Variants in CLSTN2 observed in about 807,000 individuals in gnomAD.
CLSTN2 encodes calsyntenin-2.
A neutral mutation model predicts 101.2 loss-of-function variants in CLSTN2; 48 were observed. The ratio of observed to expected loss-of-function variants is 0.47; its 90% CI spans 0.38 to 0.60. The LOEUF (loss-of-function observed/expected upper bound fraction) is 0.60. CLSTN2 is among the 20% of genes least tolerant of loss of function. The pLI, the probability that CLSTN2 is intolerant of heterozygous loss-of-function variation, is 0.00. For synonymous variants in CLSTN2, 481 were observed against 463.6 expected (o/e 1.04, Z -0.48); for missense variants, 1,160 against 1,238.2 (o/e 0.94, Z 0.95).
chr3:140,123,848 G>A (rs2009385838), intron 1 of CLSTN2, among the ~76,000 whole-genome samples: 1 of 74,142 alleles, frequency 1.3e-5, no homozygotes, highest in African/African-American at 5.4e-5. Context: ...ATATGTGTGT[G>A]TGTATATATA....
chr3:140,466,400 G>C (rs1004640377), intron 7 of CLSTN2, among the ~76,000 whole-genome samples: 1 of 152,158 alleles, frequency 6.6e-6, no homozygotes, highest in African/African-American at 2.4e-5. Context: ...GAGTTTGGCT[G>C]TGGGTTTTCC....
chr3:140,379,535 C>T (rs1030208590), intron 2 of CLSTN2, among the ~76,000 whole-genome samples: 3 of 151,988 alleles, frequency 2.0e-5, no homozygotes, highest in Non-Finnish European at 4.4e-5. Context: ...AGGAGGTTGA[C>T]ATCAGAGTAG....
chr3:140,564,365 A>G (rs1294626366), intron 16 of CLSTN2, among the ~76,000 whole-genome samples: 2 of 152,212 alleles, frequency 1.3e-5, no homozygotes, highest in African/African-American at 2.4e-5. Context: ...TTTAAAATGT[A>G]TTAATTGCTC....
intron 11 of CLSTN2, chr3:140,556,974 T>G: frequency 3.5e-6 from 1 of 283,244 alleles, no homozygotes; most frequent in Non-Finnish European, 6.7e-6. Flanking sequence ...GCGTTTGAAG[T>G]GTTCTGATTT....
At chr3:140,122,697 G>A (rs889195459) in intron 1 of CLSTN2, among the ~76,000 whole-genome samples, 1 of 152,124 alleles carries the variant, frequency 6.6e-6, no homozygotes, top group Non-Finnish European at 1.5e-5. Flanking sequence ...CCTCTCCAGA[G>A]GCCCCCAAGT....
intron 4 of CLSTN2, among the ~76,000 whole-genome samples, chr3:140,412,165 GC>G (rs2088371978): frequency 6.6e-6 from 1 of 152,080 alleles, no homozygotes; most frequent in Non-Finnish European, 1.5e-5. Flanking sequence ...AACAGCATGC[GC>G]CACAACACCT....
At chr3:140,483,484 T>C (rs1225264697) in intron 8 of CLSTN2, among the ~76,000 whole-genome samples, 1 of 152,182 alleles carries the variant, frequency 6.6e-6, no homozygotes, top group Admixed American at 6.5e-5. Context: ...CTGAGTTCAA[T>C]TCCTGCATAT....
Position 140,018,569 on chromosome 3 carries a change from G to A in CLSTN2, c.109+83086G>A, listed in dbSNP as rs561879071. 2.8e-3 allele frequency among the ~76,000 whole-genome samples: 426 copies of A among 152,304 alleles called. 3 individuals carry two copies. Among genetic ancestry groups the A allele is most frequent in the Middle Eastern group, 6.8e-3 (2 of 292 alleles). ...TCTTTGTGCTTTGGTGGCTCTCTGA[G>A]GAGGAACATGGCAGGAAAAGGGTGG... On this transcript the variant is annotated intron_variant, in intron 1 of 16. Coordinates refer to ENST00000458420, the MANE Select transcript of CLSTN2 (RefSeq NM_022131.3).
At chr3:140,531,607 C>T (rs953596107) in intron 8 of CLSTN2, among the ~76,000 whole-genome samples, 3 of 152,086 alleles carry the variant, frequency 2.0e-5, no homozygotes, top group African/African-American at 7.2e-5. Flanking sequence ...CAGCATGACT[C>T]CCAAGGCACT....
intron 2 of CLSTN2, among the ~76,000 whole-genome samples, chr3:140,222,649 T>C (rs1162755862): frequency 6.6e-6 from 1 of 152,062 alleles, no homozygotes; most frequent in Non-Finnish European, 1.5e-5. Context: ...AAAGAATGAA[T>C]AGAACCTAGT....
chr3:140,547,138 A>T (rs1221471513), intron 10 of CLSTN2, among the ~76,000 whole-genome samples: 2 of 152,226 alleles, frequency 1.3e-5, no homozygotes, highest in Non-Finnish European at 2.9e-5. Context: ...GAAAGCAGGT[A>T]TGGAGGTCAT....
At chr3:140,363,130 A>T (rs936923550) in intron 2 of CLSTN2, among the ~76,000 whole-genome samples, 13 of 152,238 alleles carry the variant, frequency 8.5e-5, no homozygotes, top group Admixed American at 7.9e-4. Context: ...TATACAATGG[A>T]ATATTATTCA....
chr3:140,466,239 G>A (rs1348896342), intron 7 of CLSTN2, among the ~76,000 whole-genome samples: 1 of 152,216 alleles, frequency 6.6e-6, no homozygotes, highest in Admixed American at 6.5e-5. Context: ...AGTGACTGAT[G>A]TGATTGGCAT....
chr3:140,272,185 T>A (rs764546268), intron 2 of CLSTN2, among the ~76,000 whole-genome samples: 1 of 152,110 alleles, frequency 6.6e-6, no homozygotes, highest in Non-Finnish European at 1.5e-5. Context: ...GTAGGGATAT[T>A]GGGGGAAAAA....
chr3:140,016,165 A>C (rs1461561639), intron 1 of CLSTN2, among the ~76,000 whole-genome samples: 1 of 152,060 alleles, frequency 6.6e-6, no homozygotes, highest in Non-Finnish European at 1.5e-5. Context: ...GAAAGCTTGG[A>C]CCTTTTAAGA....
At chr3:140,106,708 C>T (rs2009065011) in intron 1 of CLSTN2, among the ~76,000 whole-genome samples, 1 of 152,170 alleles carries the variant, frequency 6.6e-6, no homozygotes, top group Admixed American at 6.5e-5. Flanking sequence ...GTTATTTAAA[C>T]ATAATTTTTA....
chr3:140,224,192 G>T (rs948970132), intron 2 of CLSTN2, among the ~76,000 whole-genome samples: 2 of 152,130 alleles, frequency 1.3e-5, no homozygotes, highest in African/African-American at 2.4e-5. Context: ...CTAGATTCAA[G>T]CCCCAGCCTG....
chr3:140,484,073 T>C lies in CLSTN2; in HGVS notation c.1344+17342T>C, dbSNP rs1375947769. Reference sequence around the variant, plus strand: ...TTCCTAGCCTTGATGGTCTTTACAATTTGGCATGTTTTTGCAGTGGCTGGT... The same window carrying C: ...TTCCTAGCCTTGATGGTCTTTACAACTTGGCATGTTTTTGCAGTGGCTGGT... On this transcript the variant is annotated intron_variant, in intron 8 of 16. Coordinates refer to ENST00000458420, the MANE Select transcript of CLSTN2 (RefSeq NM_022131.3). Among the ~76,000 whole-genome samples the C allele has an allele frequency of 2.0e-5, 3 of 152,222 alleles. No homozygotes were observed. The East Asian group carries it at 5.8e-4, about 29-fold the overall frequency.
intron 5 of CLSTN2, among the ~76,000 whole-genome samples, chr3:140,445,666 G>T (rs1169341432): frequency 1.3e-5 from 2 of 152,178 alleles, no homozygotes; most frequent in Admixed American, 6.5e-5. Context: ...ACAGGCCGGT[G>T]GGATCAGTAC....
Sources: allele counts gnomAD v4.1 joint callset (sites outside exome capture counted in the v4.1 genomes callset), GRCh38; gene constraint gnomAD v4.1.1; transcripts MANE v1.5; gene names NCBI Gene and HGNC (gene_info 2026-07-23, HGNC 2026-07-21).